Variants in CEP295 observed in about 807,000 individuals in gnomAD.
The protein encoded by CEP295 is centrosomal protein of 295 kDa.
CEP295 carries 190 observed loss-of-function variants against 291.6 expected under a neutral mutation model. The ratio of observed to expected loss-of-function variants is 0.65; its 90% confidence interval spans 0.58 to 0.73. The LOEUF (loss-of-function observed/expected upper bound fraction) is 0.73. CEP295 is among the 30% of genes least tolerant of loss of function. CEP295 has a pLI of 0.00. For missense variants in CEP295, 2,863 were observed against 2,949.4 expected (o/e 0.97, Z 0.68); for synonymous variants, 993 against 1,038.8 (o/e 0.96, Z 0.85).
intron 10 of CEP295, among the ~76,000 whole-genome samples, chr11:93,689,819 G>C (rs1387461131): frequency 6.6e-6 from 1 of 152,208 alleles, no homozygotes; most frequent in Non-Finnish European, 1.5e-5. Context: ...GTACAAAACA[G>C]GTGCTCAGTT....
At chr11:93,703,282 TA>T (rs1450053316) in intron 17 of CEP295, among the ~76,000 whole-genome samples, 2 of 151,312 alleles carry the variant, frequency 1.3e-5, no homozygotes, top group African/African-American at 4.9e-5. Context: ...TTCAGAGTGC[TA>T]AATGTTTTTT....
intron 12 of CEP295, among the ~76,000 whole-genome samples, chr11:93,692,232 T>C (rs532340103): frequency 6.6e-6 from 1 of 152,352 alleles, no homozygotes; most frequent in East Asian, 1.9e-4. Context: ...GTCTGCTTTA[T>C]ATTTTATATA....
chr11:93,675,025 G>C (rs1950622491), intron 5 of CEP295, among the ~76,000 whole-genome samples: 1 of 152,172 alleles, frequency 6.6e-6, no homozygotes, highest in African/African-American at 2.4e-5. Context: ...AAAGGGAAGG[G>C]GGAAGGTAGT....
At chr11:93,721,612 A>G in intron 19 of CEP295, 200 bp downstream of exon 19, 1 of 756,144 alleles carries the variant, frequency 1.3e-6, no homozygotes. Context: ...TGATCTCTAC[A>G]GTTCTGAGAA....
At chr11:93,725,547 A>C in intron 22 of CEP295, 104 bp from the exon 23 acceptor site, 1 of 900,632 alleles carries the variant, frequency 1.1e-6, no homozygotes, top group Non-Finnish European at 1.6e-6. Flanking sequence ...TGTCATAGTG[A>C]AGTGATAATT....
rs76163409 is a variant in CEP295, at chr11:93,697,504, T to A, written c.2592T>A (p.Thr864=). Residue 864 remains threonine (T), a synonymous_variant, in exon 15 of 30, where the codon ACT becomes ACA. Transcript: ENST00000325212. ...TACAGAAGAAAGTTCTTCAGGCAAC[T>A]CAGGAAGCTCAGGAACAGTTGCTTT... ...LDLQKKVLQA[T]QEAQEQLLLC... is the part of the protein sequence containing the mutation. The A allele has an allele frequency of 4.0e-3, 6,178 of 1,551,678 alleles. 152 individuals carry two copies. The East Asian group carries it at 0.069, about 17-fold the overall frequency.
At chr11:93,677,437 A>G (rs1315383310) in intron 6 of CEP295, among the ~76,000 whole-genome samples, 4 of 152,138 alleles carry the variant, frequency 2.6e-5, no homozygotes, top group African/African-American at 4.8e-5. Context: ...GTCATAATAT[A>G]TATCTTTGGC....
chr11:93,699,326 T>A lies in CEP295; in HGVS notation c.4414T>A (p.Ser1472Thr), dbSNP rs2135121345. 6.4e-7 allele frequency: 1 copy of A among 1,552,108 alleles called. No homozygotes were observed. The highest frequency in any genetic ancestry group is 1.2e-5 in the South Asian group (1 of 84,048). ...GCATGCACAGACAGATTTCCTTCCT[T>A]CTATTGAGAAAACCCAGAAAGAATT... ...HLHAQTDFLP[S>T]IEKTQKELVL... is the part of the protein sequence containing the mutation. The change falls in exon 15 of 30, where the codon TCT (serine) becomes ACT (threonine). Residue 1472 changes from serine to threonine, a missense_variant. Transcript: ENST00000325212.
intron 20 of CEP295, chr11:93,722,765 T>G (rs1481626800): frequency 7.0e-6 from 2 of 284,182 alleles, no homozygotes; most frequent in Non-Finnish European, 1.3e-5. Context: ...CAATTACATT[T>G]TTTTTTCTTT....
chr11:93,675,440 T>C, intron 5 of CEP295, 131 bp from the exon 6 acceptor site: 1 of 477,062 alleles, frequency 2.1e-6, no homozygotes, highest in Non-Finnish European at 3.7e-6. Context: ...TTGATTTCAT[T>C]ATGAGCAGAT....
chr11:93,717,602 A>T (rs1343251671), intron 18 of CEP295, among the ~76,000 whole-genome samples: 2 of 152,210 alleles, frequency 1.3e-5, no homozygotes, highest in Non-Finnish European at 2.9e-5. Context: ...AATGGAAGTG[A>T]AGCTAAAGTT....
chr11:93,676,927 A>G (rs1950723251), intron 6 of CEP295, among the ~76,000 whole-genome samples: 1 of 152,050 alleles, frequency 6.6e-6, no homozygotes, highest in African/African-American at 2.4e-5. Context: ...CGGGACCACA[A>G]ACAAATTTTG....
intron 17 of CEP295, 77 bp from the exon 18 acceptor site, chr11:93,706,668 C>T: frequency 8.1e-7 from 1 of 1,237,956 alleles, no homozygotes; most frequent in Non-Finnish European, 1.1e-6. Flanking sequence ...GATTTCTACC[C>T]ATAATATAAA....
At chr11:93,671,665 G>A (rs564044216) in intron 5 of CEP295, among the ~76,000 whole-genome samples, 1 of 152,272 alleles carries the variant, frequency 6.6e-6, no homozygotes, top group Admixed American at 6.5e-5. Flanking sequence ...GGATAAGGCA[G>A]TGTTTCTGAA....
At chr11:93,679,362 C>G in intron 6 of CEP295, 50 bp from the exon 7 acceptor site, 1 of 1,491,154 alleles carries the variant, frequency 6.7e-7, no homozygotes, top group Non-Finnish European at 9.0e-7. Flanking sequence ...TTAGTTACTG[C>G]TTGTCTCACA....
intron 18 of CEP295, among the ~76,000 whole-genome samples, 163 bp from the exon 19 acceptor site, chr11:93,721,149 G>A (rs1035193468): frequency 6.6e-6 from 1 of 152,096 alleles, no homozygotes; most frequent in Admixed American, 6.6e-5. Flanking sequence ...TAACAAATAC[G>A]GTGAATTTTT....
intron 17 of CEP295, among the ~76,000 whole-genome samples, chr11:93,705,818 G>A (rs1460099483): frequency 1.3e-5 from 2 of 152,152 alleles, no homozygotes; most frequent in Non-Finnish European, 2.9e-5. Context: ...GACTTTATTG[G>A]AAAAAGTATG....
chr11:93,711,566 G>A (rs1001101227), intron 18 of CEP295, among the ~76,000 whole-genome samples: 1 of 152,134 alleles, frequency 6.6e-6, no homozygotes, highest in Non-Finnish European at 1.5e-5. Context: ...GCAGTGGCAC[G>A]ATCTTGGCCC....
chr11:93,706,695 A>T, intron 17 of CEP295, 50 bp from the exon 18 acceptor site: 1 of 1,445,956 alleles, frequency 6.9e-7, no homozygotes, highest in African/African-American at 1.4e-5. Context: ...CTTTAGTTCT[A>T]GCTATTAATA....
Sources: gnomAD v4.1 joint callset for allele counts (sites outside exome capture counted in the v4.1 genomes callset) on GRCh38, gnomAD v4.1.1 for gene constraint, MANE v1.5 for transcripts, NCBI Gene and HGNC (gene_info 2026-07-23, HGNC 2026-07-21) for gene names.